The following SLCO1A2 variants were observed in gnomAD, a reference collection of about 807,000 sequenced individuals.
SLCO1A2 encodes OATP-1.
In SLCO1A2, 67 loss-of-function variants were observed where a neutral mutation model predicts 69.0. The observed-to-expected ratio is 0.97, with a 90% CI of 0.80 to 1.19. The LOEUF (loss-of-function observed/expected upper bound fraction) is 1.19, where lower values mean the gene tolerates loss of function less well. SLCO1A2 is among the 50% of genes most tolerant of loss of function. The probability of loss-of-function intolerance (pLI) is 0.00; values close to 1 mark genes in which losing one functional copy is unlikely to be tolerated. For synonymous variants in SLCO1A2, 260 were observed against 265.9 expected, an observed-to-expected ratio of 0.98 and a Z score of 0.22; for missense variants, 787 against 793.7, an observed-to-expected ratio of 0.99 and a Z score of 0.10.
intron 1 of SLCO1A2, among the ~76,000 whole-genome samples, chr12:21,411,214 T>TA (rs1425670712): frequency 1.3e-5 from 2 of 152,232 alleles, no homozygotes; most frequent in South Asian, 2.1e-4. Context: ...CTAAAGTTGT[T>TA]AAAAAACAGA....
chr12:21,326,306 G>A (rs1952222554), intron 2 of SLCO1A2, among the ~76,000 whole-genome samples: 1 of 152,160 alleles, frequency 6.6e-6, no homozygotes, highest in African/African-American at 2.4e-5. Flanking sequence ...ATGGACTAAT[G>A]CAGTAAATTG....
In SLCO1A2 at chr12:21,318,848, G is replaced by A; in HGVS notation, c.136C>T (p.Gln46Ter). 6.2e-7 allele frequency: 1 copy of A among 1,611,132 alleles called. No homozygotes were observed. Residue 46 changes from glutamine (Q) to a stop codon, truncating the protein, a stop_gained, in exon 3 of 15, where the codon CAA (glutamine) becomes TAA (stop). Coordinates refer to ENST00000683939, the MANE Select transcript of SLCO1A2 (RefSeq NM_001386879.1). LOFTEE classifies it high-confidence loss of function. The part of the protein sequence containing the change: ...SGSYMNSMLT[Q>*]IERQFNIPTS... The stretch of plus-strand genomic sequence containing the variant: ...GGGATGTTGAATTGTCTCTCTATTT[G>A]TGTGAGCATGGAATTCATATAAGAT...
chr12:21,291,791 C>T (rs1341690693), intron 12 of SLCO1A2, among the ~76,000 whole-genome samples: 2 of 152,102 alleles, frequency 1.3e-5, no homozygotes, highest in African/African-American at 4.8e-5. Context: ...CTTTGCACTG[C>T]TGTCCTATAG....
intron 1 of SLCO1A2, among the ~76,000 whole-genome samples, chr12:21,390,639 C>A (rs1941105477): frequency 6.6e-6 from 1 of 152,086 alleles, no homozygotes; most frequent in Non-Finnish European, 1.5e-5. Context: ...GGAATTGATA[C>A]TAACTTTTAA....
At chr12:21,302,409 A>T (rs11045955) in intron 6 of SLCO1A2, among the ~76,000 whole-genome samples, 11,018 of 152,034 alleles carry the variant, frequency 0.072, 885 homozygotes, top group East Asian at 0.35. Flanking sequence ...TGTTCTTATG[A>T]CTATTCCTTC....
chr12:21,368,387 G>A (rs1000459597), intron 2 of SLCO1A2, among the ~76,000 whole-genome samples: 11 of 151,998 alleles, frequency 7.2e-5, no homozygotes, highest in East Asian at 5.8e-4. Context: ...GAAAAATAAC[G>A]GACAGAAAAT....
chr12:21,365,234 A>G (rs1271684040), intron 2 of SLCO1A2, among the ~76,000 whole-genome samples: 1 of 152,194 alleles, frequency 6.6e-6, no homozygotes, highest in African/African-American at 2.4e-5. Flanking sequence ...GCCCTCAGAA[A>G]TAATACCACA....
chr12:21,366,389 G>A (rs1300529763), intron 2 of SLCO1A2, among the ~76,000 whole-genome samples: 2 of 148,318 alleles, frequency 1.3e-5, no homozygotes, highest in African/African-American at 2.5e-5. Context: ...TCACACACAC[G>A]GGCCTGCCGG....
At chr12:21,316,812 C>G (rs888312355) in intron 3 of SLCO1A2, among the ~76,000 whole-genome samples, 5 of 152,102 alleles carry the variant, frequency 3.3e-5, no homozygotes, top group African/African-American at 1.2e-4. Context: ...AGCTCCAGCC[C>G]AGATAGTTCC....
At chr12:21,411,964 G>GC (rs1941914114) in intron 1 of SLCO1A2, among the ~76,000 whole-genome samples, 1 of 152,030 alleles carries the variant, frequency 6.6e-6, no homozygotes, top group Non-Finnish European at 1.5e-5. Flanking sequence ...ACTGTGCCTG[G>GC]CCATCAGTAT....
chr12:21,306,876 G>A lies in SLCO1A2; in HGVS notation c.442+6C>T, dbSNP rs371737047. On this transcript the variant is annotated splice_donor_region_variant and intron_variant, in intron 5 of 14. Coordinates refer to ENST00000683939, the MANE Select transcript of SLCO1A2 (RefSeq NM_001386879.1). ...GAACAAAAATCAATACAATGAAGTA[G>A]ACAACCTGATGGATCCTGCGTTGGT... 3 of 1,605,046 alleles carry A rather than the reference G, an allele frequency of 1.9e-6. No homozygotes were observed. The African/African-American group carries it at 4.0e-5, about 21-fold the overall frequency.
At chr12:21,360,871 G>T (rs1938801777) in intron 2 of SLCO1A2, among the ~76,000 whole-genome samples, 1 of 152,216 alleles carries the variant, frequency 6.6e-6, no homozygotes, top group Non-Finnish European at 1.5e-5. Context: ...GCTTGAGAAG[G>T]TAAACAAAGC....
chr12:21,293,100 C>T (rs1379958735), intron 11 of SLCO1A2, among the ~76,000 whole-genome samples: 1 of 152,032 alleles, frequency 6.6e-6, no homozygotes. Context: ...GTCAGGAGTT[C>T]GAGACCAGCC....
At position 21,301,890 on chromosome 12, in the gene SLCO1A2, A is replaced by C. The variant is rs150770577; in HGVS notation, c.590-621T>G. ...CTGTCTCATCACTTGTCTACAATTC[A>C]GAACCTATGCTGAACCCTCCCTGAT... On this transcript the variant is annotated intron_variant, in intron 6 of 14. Coordinates refer to ENST00000683939, the MANE Select transcript of SLCO1A2 (RefSeq NM_001386879.1). 9.3e-3 allele frequency among the ~76,000 whole-genome samples: 1,411 copies of C among 152,232 alleles called. 19 individuals are homozygous for C. Among genetic ancestry groups the C allele is most frequent in the African/African-American group, 0.032 (1,344 of 41,540 alleles).
chr12:21,350,101 T>C (rs950296162), intron 2 of SLCO1A2, among the ~76,000 whole-genome samples: 6 of 152,152 alleles, frequency 3.9e-5, no homozygotes, highest in African/African-American at 7.2e-5. Context: ...TTTATTATGA[T>C]AGGTAACATT....
chr12:21,319,691 C>G (rs1472391305), intron 2 of SLCO1A2: 2 of 327,724 alleles, frequency 6.1e-6, no homozygotes, highest in Non-Finnish European at 1.2e-5. Context: ...TTTATCCTTA[C>G]TGCTTGCCTA....
chr12:21,366,826 T>C (rs545161559), intron 2 of SLCO1A2, among the ~76,000 whole-genome samples: 29 of 151,824 alleles, frequency 1.9e-4, no homozygotes, highest in Non-Finnish European at 3.8e-4. Flanking sequence ...GGAAACTTCA[T>C]AGAAGTTAAA....
chr12:21,404,580 G>A (rs1319675004), intron 1 of SLCO1A2, among the ~76,000 whole-genome samples: 1 of 152,154 alleles, frequency 6.6e-6, no homozygotes, highest in East Asian at 1.9e-4. Flanking sequence ...TCCTTTTCAT[G>A]GCTGTGTAGT....
intron 5 of SLCO1A2, 53 bp downstream of exon 5, chr12:21,306,829 A>G (rs1305175534): frequency 1.8e-6 from 2 of 1,113,636 alleles, no homozygotes; most frequent in African/African-American, 3.1e-5. Flanking sequence ...CTCAGCAGAA[A>G]GTGTTTAGTT....
Sources: gnomAD v4.1 joint callset for allele counts (sites outside exome capture counted in the v4.1 genomes callset) on GRCh38, gnomAD v4.1.1 for gene constraint, MANE v1.5 for transcripts, NCBI Gene and HGNC (gene_info 2026-07-23, HGNC 2026-07-21) for gene names.